Variants in TFDP2 observed in about 807,000 individuals in gnomAD.
The protein encoded by TFDP2 is transcription factor Dp-2.
Under a neutral mutation model 59.3 loss-of-function variants are expected in TFDP2, and 17 were observed. That is an observed-to-expected ratio of 0.29 (90% CI 0.20 to 0.43). The LOEUF is 0.43. TFDP2 is among the 20% of genes least tolerant of loss of function. The pLI, the probability that TFDP2 is intolerant of heterozygous loss-of-function variation, is 1.00. For missense variants in TFDP2, 391 were observed against 528.8 expected (o/e 0.74, Z 2.56); for synonymous variants, 180 against 194.7 (o/e 0.92, Z 0.63).
chr3:142,071,743 G>C (rs562513900), intron 3 of TFDP2, among the ~76,000 whole-genome samples: 1 of 152,330 alleles, frequency 6.6e-6, no homozygotes, highest in East Asian at 1.9e-4. Context: ...GGAGTAGACA[G>C]AAAGAGAAAG....
At chr3:141,991,774 G>T (rs928825053) in intron 6 of TFDP2, among the ~76,000 whole-genome samples, 3 of 152,096 alleles carry the variant, frequency 2.0e-5, no homozygotes, top group Admixed American at 2.0e-4. Context: ...TGGGCGTGGT[G>T]GATCATGCCT....
intron 1 of TFDP2, among the ~76,000 whole-genome samples, chr3:142,130,218 T>C (rs1232483263): frequency 1.3e-5 from 2 of 152,044 alleles, no homozygotes; most frequent in Non-Finnish European, 2.9e-5. Flanking sequence ...GACAGATAAA[T>C]GGATCATCAA....
intron 3 of TFDP2, among the ~76,000 whole-genome samples, chr3:142,074,286 G>A (rs940884124): frequency 2.0e-4 from 30 of 152,204 alleles, no homozygotes; most frequent in African/African-American, 6.5e-4. Flanking sequence ...GCACACACCT[G>A]TAAACCCATC....
intron 4 of TFDP2, among the ~76,000 whole-genome samples, chr3:141,995,883 CAAAAAAAAAA>C (rs146557075): frequency 2.5e-4 from 17 of 67,948 alleles, no homozygotes; most frequent in Admixed American, 3.5e-4. Context: ...AACTCCATTT[CAAAAAAAAAA>C]AAAAAAAAAA....
intron 1 of TFDP2, among the ~76,000 whole-genome samples, chr3:142,145,802 T>C (rs2063151275): frequency 6.6e-6 from 1 of 152,044 alleles, no homozygotes; most frequent in Non-Finnish European, 1.5e-5. Context: ...TATAGTATAG[T>C]TTCACTAAGG....
chr3:142,015,270 C>T (rs983536955), intron 3 of TFDP2, among the ~76,000 whole-genome samples: 11 of 152,172 alleles, frequency 7.2e-5, no homozygotes, highest in South Asian at 2.1e-4. Context: ...TGATGACTCT[C>T]GTGTATATTT....
At chr3:142,038,046 T>TC (rs779308778) in intron 3 of TFDP2, among the ~76,000 whole-genome samples, 25 of 152,074 alleles carry the variant, frequency 1.6e-4, no homozygotes, top group Non-Finnish European at 3.1e-4. Context: ...CCAATTTGCT[T>TC]CCCAAGAGTG....
intron 1 of TFDP2, among the ~76,000 whole-genome samples, chr3:142,118,402 T>C (rs1431051896): frequency 6.6e-6 from 1 of 151,490 alleles, no homozygotes; most frequent in Non-Finnish European, 1.5e-5. Flanking sequence ...AACCGTGAGG[T>C]TGAAAAACAA....
Position 142,039,024 on chromosome 3 carries a change from C to T in TFDP2, c.83-33480G>A, listed in dbSNP as rs547863873. The stretch of plus-strand genomic sequence containing the variant: ...TTTTAAGCCTTTTGATATGATACTG[C>T]GCAAATTATCCTCCAGAGAGGCTGT... On this transcript the variant is annotated intron_variant, in intron 3 of 12. Transcript: ENST00000489671. Among the ~76,000 whole-genome samples the T allele has an allele frequency of 7.9e-5, 12 of 152,206 alleles. No individual in the cohort carries two copies. In the East Asian group the frequency reaches 1.5e-3, roughly 20 times the overall value.
At chr3:142,018,929 G>GTTTTTTT (rs62753560) in intron 3 of TFDP2, among the ~76,000 whole-genome samples, 5 of 125,190 alleles carry the variant, frequency 4.0e-5, no homozygotes, top group Non-Finnish European at 6.4e-5. Context: ...TTTTTGGTGA[G>GTTTTTTT]TTTTTTTTTT....
chr3:142,079,199 A>C (rs2060557804), intron 3 of TFDP2, among the ~76,000 whole-genome samples: 2 of 152,106 alleles, frequency 1.3e-5, no homozygotes, highest in Non-Finnish European at 2.9e-5. Context: ...GCTACTCAGA[A>C]GGCTGAGGCA....
chr3:141,966,412 CTGCCCACCTCGGCCTCCCAAAG>C (rs1229579492), intron 9 of TFDP2, among the ~76,000 whole-genome samples: 2 of 151,842 alleles, frequency 1.3e-5, no homozygotes, highest in African/African-American at 4.9e-5. Flanking sequence ...ACCTTGTGAT[CTGCCCACCTCGGCCTCCCAAAG>C]TGCTGGGATT....
chr3:142,063,184 ACAGT>A (rs1374124636), intron 3 of TFDP2, among the ~76,000 whole-genome samples: 2 of 152,240 alleles, frequency 1.3e-5, no homozygotes, highest in Admixed American at 1.3e-4. Flanking sequence ...ATATATAGTA[ACAGT>A]CAATCATAAT....
At chr3:141,996,245 G>A (rs1943263473) in intron 4 of TFDP2, among the ~76,000 whole-genome samples, 1 of 152,094 alleles carries the variant, frequency 6.6e-6, no homozygotes, top group African/African-American at 2.4e-5. Context: ...TAGCAGCCTA[G>A]TAATAGCTTT....
intron 3 of TFDP2, among the ~76,000 whole-genome samples, chr3:142,076,267 T>C (rs1438079141): frequency 6.6e-6 from 1 of 151,892 alleles, no homozygotes; most frequent in African/African-American, 2.4e-5. Flanking sequence ...CTAGTTGTTA[T>C]TTGCAATAGG....
rs185528508 is a variant in TFDP2 at position 141,986,213 on chromosome 3, T to G, written c.356+7325A>C. Among the ~76,000 whole-genome samples, 196 of 152,358 alleles carry G rather than the reference T, an allele frequency of 1.3e-3. 2 individuals are homozygous for G. Among genetic ancestry groups the G allele is most frequent in the Admixed American group, 0.011 (172 of 15,300 alleles). ...AGTCCTGTCCCATCGTCTAGTGACT[T>G]ACAGCCTACAAGTTGAGAGTTACCT... On this transcript the variant is annotated intron_variant, in intron 6 of 12. Coordinates refer to ENST00000489671, the MANE Select transcript of TFDP2 (RefSeq NM_001178139.2).
intron 3 of TFDP2, among the ~76,000 whole-genome samples, chr3:142,072,965 T>C (rs1181199157): frequency 1.3e-5 from 2 of 152,148 alleles, no homozygotes; most frequent in Non-Finnish European, 2.9e-5. Flanking sequence ...CCAAAGCCTA[T>C]GATGCAGAAA....
intron 1 of TFDP2, among the ~76,000 whole-genome samples, chr3:142,113,993 C>T (rs1207122659): frequency 2.6e-5 from 4 of 151,968 alleles, no homozygotes; most frequent in African/African-American, 7.3e-5. Flanking sequence ...TGAATCCCCG[C>T]CTCTACTAAA....
intron 1 of TFDP2, among the ~76,000 whole-genome samples, chr3:142,117,609 T>A (rs938990256): frequency 4.6e-5 from 7 of 152,016 alleles, no homozygotes; most frequent in Non-Finnish European, 1.0e-4. Flanking sequence ...AATACAAAAA[T>A]GCTAAACAGA....
Sources: gnomAD v4.1 joint callset for allele counts (sites outside exome capture counted in the v4.1 genomes callset) on GRCh38, gnomAD v4.1.1 for gene constraint, MANE v1.5 for transcripts, NCBI Gene and HGNC (gene_info 2026-07-23, HGNC 2026-07-21) for gene names.